The following HSF5 variants were observed in gnomAD, a reference collection of about 807,000 sequenced individuals.
The protein encoded by HSF5 is heat shock transcription factor 5, also known as heat shock factor protein 5.
A neutral mutation model predicts 50.8 loss-of-function variants in HSF5; 5 were observed. The observed-to-expected ratio is 0.10, with a 90% CI of 0.05 to 0.21. The LOEUF (loss-of-function observed/expected upper bound fraction) is 0.21. HSF5 is among the 10% of genes least tolerant of loss of function. The pLI is 1.00. For missense variants in HSF5, 564 were observed against 762.6 expected, an observed-to-expected ratio of 0.74 and a Z score of 3.07; for synonymous variants, 307 against 307.4, an observed-to-expected ratio of 1.00 and a Z score of 0.02.
At chr17:58,474,872 T>C (rs1459390740) in intron 2 of HSF5, among the ~76,000 whole-genome samples, 3 of 152,222 alleles carry the variant, frequency 2.0e-5, no homozygotes, top group African/African-American at 7.2e-5. Flanking sequence ...TAAGCCACTA[T>C]ACCTGGCCAT....
Position 58,422,133 on chromosome 17 carries a change from A to T in HSF5, c.*227T>A. On this transcript the variant is annotated 3_prime_UTR_variant, in exon 6 of 6. Coordinates refer to ENST00000323777, the MANE Select transcript of HSF5 (RefSeq NM_001080439.3). ...TAAAAGGGATCTGGGCAGCCAAAAA[A>T]CGTGGCTGCTAGATGTTCAGTAGTT... is the stretch of plus-strand genomic sequence containing the variant. 1 of 469,610 alleles carries T rather than the reference A, an allele frequency of 2.1e-6. No individual in the cohort carries two copies. The allele number at this position is 469,610 out of a possible 1,614,324, so 29.1% of individuals were successfully genotyped here.
intron 2 of HSF5, among the ~76,000 whole-genome samples, chr17:58,470,769 T>C (rs1250626863): frequency 6.6e-6 from 1 of 151,982 alleles, no homozygotes; most frequent in African/African-American, 2.4e-5. Flanking sequence ...CTACTAAAAA[T>C]ACATAAATTA....
intron 5 of HSF5, among the ~76,000 whole-genome samples, chr17:58,445,383 T>G (rs888770594): frequency 6.6e-6 from 1 of 152,128 alleles, no homozygotes; most frequent in Non-Finnish European, 1.5e-5. Flanking sequence ...GTTTTGAGTC[T>G]AGCCTGAGCA....
intron 4 of HSF5, among the ~76,000 whole-genome samples, chr17:58,462,466 A>G (rs1974806576): frequency 6.6e-6 from 1 of 152,216 alleles, no homozygotes; most frequent in Non-Finnish European, 1.5e-5. Flanking sequence ...ATCTATCCAA[A>G]TTAAGATAGG....
chr17:58,448,133 C>CAAAAAAAAAAAAAAAAAAAAA (rs33943640), intron 5 of HSF5, among the ~76,000 whole-genome samples: 1 of 82,040 alleles, frequency 1.2e-5, no homozygotes, highest in Non-Finnish European at 2.3e-5. Context: ...GAACCTGTCT[C>CAAAAAAAAAAAAAAAAAAAAA]AAAAAAAAAA....
rs553026669 is a variant in HSF5, at chr17:58,465,103, C to A, written c.1020+1782G>T. ...CAAGCTAGGACAAAAGGTGCATGCA[C>A]CACTACATCCAACTAACCCACCCTT... is the stretch of plus-strand genomic sequence containing the variant. On this transcript the variant is annotated intron_variant, in intron 3 of 5. Coordinates refer to ENST00000323777, the MANE Select transcript of HSF5 (RefSeq NM_001080439.3). Among the ~76,000 whole-genome samples the A allele has an allele frequency of 2.4e-4, 36 of 151,136 alleles. 1 individual carries two copies. The South Asian group carries it at 7.6e-3, about 32-fold the overall frequency.
chr17:58,430,568 G>A (rs560746382), intron 5 of HSF5, among the ~76,000 whole-genome samples: 1 of 152,212 alleles, frequency 6.6e-6, no homozygotes, highest in African/African-American at 2.4e-5. Context: ...TCCTGTCCTT[G>A]CACATCAAAA....
chr17:58,425,163 C>T (rs1974278109), intron 5 of HSF5, among the ~76,000 whole-genome samples: 1 of 152,150 alleles, frequency 6.6e-6, no homozygotes, highest in East Asian at 1.9e-4. Context: ...TTTTGGGAGG[C>T]TGAGGCGGGC....
chr17:58,467,156 A>G (rs1974878855), intron 2 of HSF5, among the ~76,000 whole-genome samples, 177 bp from the exon 3 acceptor site: 1 of 152,212 alleles, frequency 6.6e-6, no homozygotes, highest in Admixed American at 6.5e-5. Context: ...CACACACAGT[A>G]ACAAAATAAT....
intron 3 of HSF5, 121 bp downstream of exon 3, chr17:58,466,764 C>T: frequency 1.5e-6 from 1 of 655,076 alleles, no homozygotes; most frequent in Non-Finnish European, 2.7e-6. Context: ...GAAAACAAAG[C>T]CCATTAATCC....
At chr17:58,428,018 T>C (rs1258990304) in intron 5 of HSF5, among the ~76,000 whole-genome samples, 1 of 152,208 alleles carries the variant, frequency 6.6e-6, no homozygotes, top group East Asian at 1.9e-4. Context: ...CCAATAAAAC[T>C]TTATGGACAT....
intron 5 of HSF5, among the ~76,000 whole-genome samples, chr17:58,432,359 A>G (rs1002533430): frequency 6.6e-6 from 1 of 152,152 alleles, no homozygotes; most frequent in Admixed American, 6.6e-5. Flanking sequence ...AGACTGAAGG[A>G]GGGCAGGACA....
chr17:58,438,278 TA>T (rs1974453128), intron 5 of HSF5, among the ~76,000 whole-genome samples: 1 of 152,204 alleles, frequency 6.6e-6, no homozygotes, highest in Non-Finnish European at 1.5e-5. Flanking sequence ...TAACATGCTG[TA>T]AGGGTTTGTA....
intron 2 of HSF5, among the ~76,000 whole-genome samples, chr17:58,468,895 G>A (rs1039218868): frequency 6.6e-6 from 1 of 151,970 alleles, no homozygotes; most frequent in African/African-American, 2.4e-5. Context: ...TAAAATTCAA[G>A]CTGTTATCAT....
intron 5 of HSF5, among the ~76,000 whole-genome samples, chr17:58,445,618 T>C (rs1038475492): frequency 1.3e-5 from 2 of 152,252 alleles, no homozygotes; most frequent in Admixed American, 6.5e-5. Flanking sequence ...GAACATAATA[T>C]AGTCACAAAA....
At chr17:58,457,217 G>A (rs543556298) in intron 5 of HSF5, among the ~76,000 whole-genome samples, 2 of 151,060 alleles carry the variant, frequency 1.3e-5, no homozygotes, top group African/African-American at 4.9e-5. Flanking sequence ...CCAAGATCAC[G>A]CCATTGCACT....
chr17:58,487,700 G>T, intron 1 of HSF5, 25 bp downstream of exon 1: 1 of 1,369,516 alleles, frequency 7.3e-7, no homozygotes, highest in Non-Finnish European at 9.3e-7. Context: ...CACTGTGGGC[G>T]AGGGCACGGG....
At chr17:58,437,463 T>C (rs1974441660) in intron 5 of HSF5, among the ~76,000 whole-genome samples, 1 of 152,194 alleles carries the variant, frequency 6.6e-6, no homozygotes, top group Non-Finnish European at 1.5e-5. Context: ...CATAGAAGAA[T>C]ACAGATGGTG....
chr17:58,454,215 TAAAAAC>T (rs980654684), intron 5 of HSF5, among the ~76,000 whole-genome samples: 16 of 146,912 alleles, frequency 1.1e-4, no homozygotes, highest in Non-Finnish European at 2.0e-4. Context: ...GAATGATCAA[TAAAAAC>T]AAAAACAAAA....
Sources: gnomAD v4.1 joint callset for allele counts (sites outside exome capture counted in the v4.1 genomes callset) on GRCh38, gnomAD v4.1.1 for gene constraint, MANE v1.5 for transcripts, NCBI Gene and HGNC (gene_info 2026-07-23, HGNC 2026-07-21) for gene names.